C6orf132: variants seen among roughly 807,000 people sequenced by gnomAD.
C6orf132 encodes uncharacterized protein C6orf132.
Under a neutral mutation model 65.3 loss-of-function variants are expected in C6orf132, and 43 were observed. The observed-to-expected ratio is 0.66, with a 90% CI of 0.52 to 0.85. C6orf132 has a LOEUF of 0.85. Among genes scored for constraint, C6orf132 ranks in the 40% least tolerant of loss-of-function variants. The pLI is 0.00. For synonymous variants in C6orf132, 631 were observed against 654.1 expected (o/e 0.96, Z 0.54); for missense variants, 1,488 against 1,548.8 (o/e 0.96, Z 0.66).
chr6:42,142,190 G>A (rs1287617722), intron 1 of C6orf132, 110 bp downstream of exon 1: 15 of 1,267,114 alleles, frequency 1.2e-5, no homozygotes, highest in East Asian at 7.7e-5. Context: ...CGGCCAGTCC[G>A]CAGGTTCCAA....
chr6:42,106,034 C>T lies in C6orf132; in HGVS notation c.1878G>A (p.Leu626=). ...KNLPPQSTTL[L]PTTSLQPKAM... is the part of the protein sequence containing the mutation. ...CCTTGGGCTGGAGTGATGTAGTTGG[C>T]AGCAGGGTGGTGGATTGAGGTGGCA... The change falls in exon 4 of 5, where the codon CTG becomes CTA. Residue 626 remains leucine, a synonymous_variant. Transcript: ENST00000341865. 6.5e-7 allele frequency: 1 copy of T among 1,537,212 alleles called. No homozygotes were observed. Among genetic ancestry groups the T allele is most frequent in the Non-Finnish European group, 8.7e-7 (1 of 1,146,892 alleles).
At chr6:42,113,762 C>A (rs1365290363) in intron 2 of C6orf132, among the ~76,000 whole-genome samples, 1 of 151,824 alleles carries the variant, frequency 6.6e-6, no homozygotes, top group Admixed American at 6.6e-5. Flanking sequence ...GTTGCAGTGA[C>A]CTGAGATCAT....
rs981227335 is a variant in C6orf132 at position 42,104,484 on chromosome 6, C to A, written c.3428G>T (p.Gly1143Val). ...KHKAPGSADY[G>V]FAPAAGRSPY... is the part of the protein sequence containing the mutation. ...TCACCTGCCGGCAGCTGGGGCGAAG[C>A]CGTAGTCGGCGCTGCCGGGCGCTTT... The change falls in exon 4 of 5, where the codon GGC becomes GTC. Residue 1143 changes from glycine (G) to valine (V), a missense_variant. Transcript: ENST00000341865. The surrounding 1 kb of genome is among the most constrained non-coding windows in gnomAD (Gnocchi z 4.1). 21 of 1,231,608 alleles carry A rather than the reference C, an allele frequency of 1.7e-5. No homozygotes were observed. Among genetic ancestry groups the A allele is most frequent in the Non-Finnish European group, 1.9e-5 (19 of 988,128 alleles). 76.3% of individuals were successfully genotyped at this position (1,231,608 alleles called of 1,614,324 possible). A position where few individuals can be genotyped will look rare whatever the true frequency, so the allele number is the denominator to read the frequency against.
chr6:42,105,350 A>G lies in C6orf132; in HGVS notation c.2562T>C (p.Ser854=). 6.5e-7 allele frequency: 1 copy of G among 1,536,750 alleles called. No individual in the cohort carries two copies. Among genetic ancestry groups the G allele is most frequent in the African/African-American group, 1.4e-5 (1 of 73,140 alleles). The change falls in exon 4 of 5, where the codon TCT becomes TCC. Residue 854 remains serine (S), a synonymous_variant. Transcript: ENST00000341865. Reference sequence around the variant, plus strand: ...AGGACCGACCCAGGGCAGCCCCTACAGACCTTCCCTTCTGAGCCCTCTGCC... The same window carrying G: ...AGGACCGACCCAGGGCAGCCCCTACGGACCTTCCCTTCTGAGCCCTCTGCC... The part of the protein sequence containing the change: ...AARQRAQKGR[S]VGAALGRSSL...
intron 2 of C6orf132, among the ~76,000 whole-genome samples, chr6:42,128,162 A>G (rs566901618): frequency 1.3e-3 from 190 of 144,220 alleles, no homozygotes; most frequent in East Asian, 0.011. Flanking sequence ...TCCTGACCTC[A>G]TGATCTGCCC....
intron 1 of C6orf132, among the ~76,000 whole-genome samples, chr6:42,136,440 C>G (rs1041117054): frequency 2.2e-4 from 34 of 152,296 alleles, no homozygotes; most frequent in African/African-American, 7.0e-4. Flanking sequence ...ATTCCTGGGG[C>G]TTAGGAGGAT....
In C6orf132 at chr6:42,107,018, G is replaced by C; in HGVS notation, c.894C>G (p.Phe298Leu). The change falls in exon 4 of 5, where the codon TTC becomes TTG. Residue 298 changes from phenylalanine (F) to leucine (L), a missense_variant. Coordinates refer to ENST00000341865, the MANE Select transcript of C6orf132 (RefSeq NM_001164446.3). The stretch of plus-strand genomic sequence containing the variant: ...GGGGAGGCACTTTGAAAGAACGGGG[G>C]AAGGTGAGATGGGGCTCTGGGTTAG... ...LGPNPEPHLT[F>L]PRSFKVPPPT... 6.5e-7 allele frequency: 1 copy of C among 1,532,760 alleles called. No individual in the cohort carries two copies. Among genetic ancestry groups the C allele is most frequent in the Non-Finnish European group, 8.7e-7 (1 of 1,144,322 alleles). The allele number at this position is 1,532,760 out of a possible 1,614,324, so 94.9% of individuals were successfully genotyped here.
chr6:42,110,955 A>T (rs922228571), intron 2 of C6orf132, among the ~76,000 whole-genome samples: 4 of 152,208 alleles, frequency 2.6e-5, no homozygotes, highest in Non-Finnish European at 5.9e-5. Flanking sequence ...GGGAGGATTG[A>T]CTGTATATGA....
intron 1 of C6orf132, among the ~76,000 whole-genome samples, chr6:42,139,799 G>C (rs868828830): frequency 6.6e-6 from 1 of 152,090 alleles, no homozygotes; most frequent in Non-Finnish European, 1.5e-5. Context: ...CCAAAAGATT[G>C]GACACCCTGT....
chr6:42,103,743 G>A lies in C6orf132; in HGVS notation c.*18C>T. 1 of 1,357,698 alleles carries A rather than the reference G, an allele frequency of 7.4e-7. No individual in the cohort carries two copies. Among genetic ancestry groups the A allele is most frequent in the Non-Finnish European group, 9.6e-7 (1 of 1,046,154 alleles). The allele number at this position is 1,357,698 out of a possible 1,614,324, so 84.1% of individuals were successfully genotyped here. The stretch of plus-strand genomic sequence containing the variant: ...TAAAGACACAGTTTGTTGGAGTAGA[G>A]CTAAGAGAACCCCTGGCTCAGGAGG... On this transcript the variant is annotated 3_prime_UTR_variant, in exon 5 of 5. Transcript: ENST00000341865.
Position 42,102,438 on chromosome 6 carries a change from G to C in C6orf132, c.*1323C>G, listed in dbSNP as rs914905494. On this transcript the variant is annotated 3_prime_UTR_variant, in exon 5 of 5. Coordinates refer to ENST00000341865, the MANE Select transcript of C6orf132 (RefSeq NM_001164446.3). ...GACAGGGTTTCGCCATGTAGGCCAG[G>C]ATGGTCTTAATCTCTTGACCTCATG... 6.6e-6 allele frequency: 1 copy of C among 151,400 alleles called. No homozygotes were observed. The highest frequency in any genetic ancestry group is 2.4e-5 in the African/African-American group (1 of 41,128). 9.4% of individuals were successfully genotyped at this position (151,400 alleles called of 1,614,324 possible).
chr6:42,142,100 G>T (rs1280348430), intron 1 of C6orf132, among the ~76,000 whole-genome samples, 200 bp downstream of exon 1: 2 of 151,992 alleles, frequency 1.3e-5, no homozygotes, highest in Non-Finnish European at 2.9e-5. Flanking sequence ...GGGTCCCCTC[G>T]TTCCCCACAC....
At chr6:42,112,052 G>A (rs145794718) in intron 2 of C6orf132, among the ~76,000 whole-genome samples, 81 of 152,156 alleles carry the variant, frequency 5.3e-4, no homozygotes, top group Admixed American at 1.5e-3. Flanking sequence ...CATATAGTCC[G>A]TGTTCATCCA....
chr6:42,107,887 C>T (rs1037128270), intron 3 of C6orf132, among the ~76,000 whole-genome samples: 3 of 152,142 alleles, frequency 2.0e-5, no homozygotes, highest in Admixed American at 1.3e-4. Context: ...CCCTTGCCCC[C>T]TGAGATGGGG....
chr6:42,122,081 G>T lies in C6orf132; in HGVS notation c.252+6591C>A, dbSNP rs1490339968. Among the ~76,000 whole-genome samples the T allele has an allele frequency of 5.3e-5, 8 of 152,208 alleles. No individual in the cohort carries two copies. In the South Asian group the frequency reaches 1.0e-3, roughly 20 times the overall value. ...GAACAGTTTATAAAGGAGAAGGATG[G>T]TTTCCCCAACACAGCCCCACACTGT... On this transcript the variant is annotated intron_variant, in intron 2 of 4. Coordinates refer to ENST00000341865, the MANE Select transcript of C6orf132 (RefSeq NM_001164446.3).
At chr6:42,136,390 C>T (rs1582286339) in intron 1 of C6orf132, among the ~76,000 whole-genome samples, 2 of 152,234 alleles carry the variant, frequency 1.3e-5, no homozygotes, top group Admixed American at 1.3e-4. Flanking sequence ...GCCAGGAGCC[C>T]CTAAATGACT....
At chr6:42,121,649 T>C (rs1403139875) in intron 2 of C6orf132, among the ~76,000 whole-genome samples, 1 of 152,228 alleles carries the variant, frequency 6.6e-6, no homozygotes, top group Non-Finnish European at 1.5e-5. Flanking sequence ...TGGTTGACCC[T>C]GGGTAGCAGC....
At chr6:42,139,689 C>G (rs1487871822) in intron 1 of C6orf132, among the ~76,000 whole-genome samples, 2 of 151,382 alleles carry the variant, frequency 1.3e-5, no homozygotes, top group Non-Finnish European at 2.9e-5. Context: ...TTTTTTTTTG[C>G]GTTTTTTTGT....
At chr6:42,111,640 G>T (rs892810872) in intron 2 of C6orf132, among the ~76,000 whole-genome samples, 10 of 152,000 alleles carry the variant, frequency 6.6e-5, no homozygotes, top group African/African-American at 2.2e-4. Flanking sequence ...TCCCAGGCTG[G>T]TCTTGAACTC....
Sources: allele counts gnomAD v4.1 joint callset (sites outside exome capture counted in the v4.1 genomes callset), GRCh38; gene constraint gnomAD v4.1.1; non-coding constraint Gnocchi (gnomAD v3.1); transcripts MANE v1.5; gene names NCBI Gene and HGNC (gene_info 2026-07-23, HGNC 2026-07-21).